TEKT5: variants seen among roughly 807,000 people sequenced by gnomAD.
TEKT5 encodes the protein tektin 5, also known as tektin-5.
In TEKT5, 52 loss-of-function variants were observed where a neutral mutation model predicts 48.7. The ratio of observed to expected loss-of-function variants is 1.07; its 90% CI spans 0.86 to 1.35. TEKT5 has a LOEUF of 1.35. Ranked by LOEUF, TEKT5 falls within the 40% of genes most tolerant of loss-of-function variation. The probability of loss-of-function intolerance (pLI) is 0.00; values close to 1 mark genes in which losing one functional copy is unlikely to be tolerated. For synonymous variants in TEKT5, 318 were observed against 267.6 expected (o/e 1.19, Z -1.84); for missense variants, 831 against 641.6 (o/e 1.30, Z -3.19).
At chr16:10,682,935 T>C (rs1898783206) in intron 3 of TEKT5, among the ~76,000 whole-genome samples, 1 of 152,204 alleles carries the variant, frequency 6.6e-6, no homozygotes, top group Non-Finnish European at 1.5e-5. Context: ...TGTCTGACCC[T>C]ATGCTGGGCA....
At chr16:10,635,561 G>C (rs1452593919) in intron 6 of TEKT5, among the ~76,000 whole-genome samples, 1 of 152,138 alleles carries the variant, frequency 6.6e-6, no homozygotes, top group Non-Finnish European at 1.5e-5. Flanking sequence ...CCAGTGATGA[G>C]GAAGCCACGC....
chr16:10,629,926 G>A (rs956936656), intron 6 of TEKT5, among the ~76,000 whole-genome samples: 5 of 152,168 alleles, frequency 3.3e-5, no homozygotes, highest in Admixed American at 6.5e-5. Context: ...AGAACTTTCC[G>A]AGGGGAGGAC....
At chr16:10,689,433 C>A in intron 2 of TEKT5, 110 bp from the exon 3 acceptor site, 6 of 947,912 alleles carry the variant, frequency 6.3e-6, no homozygotes, top group Non-Finnish European at 8.1e-6. Flanking sequence ...ACCCTCGACC[C>A]CAGGAGGTGA....
intron 5 of TEKT5, among the ~76,000 whole-genome samples, chr16:10,642,462 T>G (rs963131506): frequency 6.6e-6 from 1 of 152,212 alleles, no homozygotes; most frequent in African/African-American, 2.4e-5. Flanking sequence ...CACCCTGTCC[T>G]TCCCATGGAA....
chr16:10,629,872 C>G (rs979514090), intron 6 of TEKT5, among the ~76,000 whole-genome samples: 2 of 152,210 alleles, frequency 1.3e-5, no homozygotes, highest in Non-Finnish European at 2.9e-5. Flanking sequence ...TGGGCTGCCC[C>G]GTACTACTTC....
intron 5 of TEKT5, among the ~76,000 whole-genome samples, chr16:10,662,484 G>A (rs1898390331): frequency 6.6e-6 from 1 of 152,206 alleles, no homozygotes; most frequent in African/African-American, 2.4e-5. Flanking sequence ...CAACTCACTT[G>A]CACAGCATTC....
chr16:10,659,546 A>AT (rs1313779827), intron 5 of TEKT5, among the ~76,000 whole-genome samples: 5 of 151,838 alleles, frequency 3.3e-5, no homozygotes, highest in South Asian at 2.1e-4. Context: ...CACTTGGCTA[A>AT]TTTTTTGTAT....
chr16:10,661,059 C>G (rs1898362586), intron 5 of TEKT5, among the ~76,000 whole-genome samples: 1 of 152,108 alleles, frequency 6.6e-6, no homozygotes, highest in Non-Finnish European at 1.5e-5. Context: ...TCTCAATATA[C>G]AGCTTTATGA....
At chr16:10,668,018 C>G (rs1250966093) in intron 5 of TEKT5, among the ~76,000 whole-genome samples, 2 of 152,036 alleles carry the variant, frequency 1.3e-5, no homozygotes, top group Non-Finnish European at 2.9e-5. Flanking sequence ...GCTGGAACTA[C>G]AGGCATGCGC....
chr16:10,630,274 C>T (rs1897819807), intron 6 of TEKT5, among the ~76,000 whole-genome samples: 1 of 151,506 alleles, frequency 6.6e-6, no homozygotes, highest in Non-Finnish European at 1.5e-5. Flanking sequence ...CTCCCTCTGT[C>T]ACCTAGGCTG....
chr16:10,667,588 T>C (rs1012863170), intron 5 of TEKT5, among the ~76,000 whole-genome samples: 1 of 152,240 alleles, frequency 6.6e-6, no homozygotes, highest in African/African-American at 2.4e-5. Context: ...GGCTGCCCAA[T>C]TCACGAATCA....
chr16:10,685,093 C>A (rs1032203714), intron 3 of TEKT5, among the ~76,000 whole-genome samples: 10 of 152,216 alleles, frequency 6.6e-5, no homozygotes, highest in African/African-American at 1.7e-4. Context: ...CAGGAGTCAT[C>A]TGACACACAG....
chr16:10,663,014 AG>A (rs1898400414), intron 5 of TEKT5, among the ~76,000 whole-genome samples: 1 of 152,192 alleles, frequency 6.6e-6, no homozygotes, highest in South Asian at 2.1e-4. Flanking sequence ...GCAGAGGAGA[AG>A]CCGGAAGCAA....
chr16:10,690,175 G>C (rs1351864960), intron 1 of TEKT5, 150 bp from the exon 2 acceptor site: 3 of 703,426 alleles, frequency 4.3e-6, no homozygotes, highest in Admixed American at 5.6e-5. Context: ...CATTGGATGG[G>C]CTTCTGCCTC....
chr16:10,657,562 CGTT>C (rs1230832538), intron 5 of TEKT5, among the ~76,000 whole-genome samples: 1 of 151,590 alleles, frequency 6.6e-6, no homozygotes, highest in Non-Finnish European at 1.5e-5. Context: ...CATTAAGTCA[CGTT>C]GTAGAAAAGT....
At chr16:10,675,830 G>T in intron 5 of TEKT5, 129 bp downstream of exon 5, 1 of 875,100 alleles carries the variant, frequency 1.1e-6, no homozygotes, top group Non-Finnish European at 1.8e-6. Flanking sequence ...AAAGACCACA[G>T]ACCTTGGGAG....
chr16:10,688,215 T>C lies in TEKT5; in HGVS notation c.719+1038A>G, dbSNP rs145810453. ...CATCATCCCTCCTGCTATATTTGCA[T>C]CTTCTCTGTACACCTCCACCCCGAT... On this transcript the variant is annotated intron_variant, in intron 3 of 6. Coordinates refer to ENST00000283025, the MANE Select transcript of TEKT5 (RefSeq NM_144674.2). 1.9e-3 allele frequency among the ~76,000 whole-genome samples: 285 copies of C among 152,356 alleles called. 2 individuals are homozygous for C. Among genetic ancestry groups the C allele is most frequent in the African/African-American group, 5.4e-3 (224 of 41,576 alleles).
At chr16:10,671,387 G>T (rs751345142) in intron 5 of TEKT5, among the ~76,000 whole-genome samples, 2 of 152,168 alleles carry the variant, frequency 1.3e-5, no homozygotes, top group Non-Finnish European at 2.9e-5. Flanking sequence ...ACGCCACCAA[G>T]TCTCCATAAA....
chr16:10,685,324 C>G (rs1015179285), intron 3 of TEKT5, among the ~76,000 whole-genome samples: 1 of 152,040 alleles, frequency 6.6e-6, no homozygotes. Context: ...TTTTTTGAGA[C>G]AGTCTTGCTC....
Sources: allele counts gnomAD v4.1 joint callset (sites outside exome capture counted in the v4.1 genomes callset), GRCh38; gene constraint gnomAD v4.1.1; transcripts MANE v1.5; gene names NCBI Gene and HGNC (gene_info 2026-07-23, HGNC 2026-07-21).